Variants in SLIT2 observed in about 807,000 individuals in gnomAD.
The protein encoded by SLIT2 is slit homolog 2 protein.
Under a neutral mutation model 185.7 loss-of-function variants are expected in SLIT2, and 41 were observed. That is an observed-to-expected ratio of 0.22 (90% CI 0.17 to 0.29). The LOEUF (loss-of-function observed/expected upper bound fraction) is 0.29, where lower values mean the gene tolerates loss of function less well. Among genes scored for constraint, SLIT2 ranks in the 10% least tolerant of loss-of-function variants. The pLI is 1.00. For missense variants in SLIT2, 1,571 were observed against 1,909.0 expected (o/e 0.82, Z 3.30); for synonymous variants, 693 against 680.2 (o/e 1.02, Z -0.29).
intron 4 of SLIT2, among the ~76,000 whole-genome samples, chr4:20,401,385 C>G (rs1210522386): frequency 1.3e-5 from 2 of 151,842 alleles, no homozygotes; most frequent in Admixed American, 6.6e-5. Flanking sequence ...TGGCTTCTTC[C>G]TTTTTAACTA....
intron 30 of SLIT2, 55 bp downstream of exon 30, chr4:20,589,792 A>T: frequency 8.0e-7 from 1 of 1,243,722 alleles, no homozygotes; most frequent in Non-Finnish European, 1.2e-6. Flanking sequence ...CCATTATTTT[A>T]GGAGCCCTTC....
chr4:20,431,084 A>G (rs540275096), intron 4 of SLIT2, among the ~76,000 whole-genome samples: 2 of 152,344 alleles, frequency 1.3e-5, no homozygotes, highest in South Asian at 2.1e-4. Context: ...AGGAATCTAC[A>G]CTTTCCTCAT....
chr4:20,553,024 A>G (rs982923324), intron 25 of SLIT2, among the ~76,000 whole-genome samples: 2 of 152,200 alleles, frequency 1.3e-5, no homozygotes, highest in East Asian at 3.9e-4. Flanking sequence ...TATTACCTTG[A>G]TTACTTTCCT....
chr4:20,336,069 C>T (rs535683837), intron 4 of SLIT2, among the ~76,000 whole-genome samples: 2 of 152,178 alleles, frequency 1.3e-5, no homozygotes, highest in African/African-American at 4.8e-5. Context: ...TAGGGTGATA[C>T]AGTGTAACTT....
intron 4 of SLIT2, among the ~76,000 whole-genome samples, chr4:20,381,955 A>T (rs2109344190): frequency 6.6e-6 from 1 of 151,770 alleles, no homozygotes; most frequent in East Asian, 1.9e-4. Context: ...ACAAAACTGT[A>T]TTTATTTATA....
chr4:20,436,888 G>A (rs988440906), intron 4 of SLIT2, among the ~76,000 whole-genome samples: 10 of 152,274 alleles, frequency 6.6e-5, no homozygotes, highest in African/African-American at 2.2e-4. Flanking sequence ...TTAAATTGAT[G>A]AGTAACAGCC....
intron 4 of SLIT2, among the ~76,000 whole-genome samples, chr4:20,279,015 T>G (rs1291244119): frequency 1.3e-5 from 2 of 152,214 alleles, no homozygotes; most frequent in East Asian, 3.8e-4. Context: ...ATACATTCCT[T>G]TTTTGAAATC....
intron 4 of SLIT2, among the ~76,000 whole-genome samples, chr4:20,341,743 T>G (rs1329190195): frequency 6.6e-6 from 1 of 152,216 alleles, no homozygotes; most frequent in Non-Finnish European, 1.5e-5. Flanking sequence ...TTTTAGAGAA[T>G]TAATCACTAT....
chr4:20,444,175 T>G (rs1480847380), intron 4 of SLIT2, among the ~76,000 whole-genome samples: 1 of 152,104 alleles, frequency 6.6e-6, no homozygotes, highest in Non-Finnish European at 1.5e-5. Context: ...CAGACTTAAC[T>G]TTCCTAGACT....
At chr4:20,519,902 TG>T (rs1275691852) in intron 12 of SLIT2, among the ~76,000 whole-genome samples, 14 of 151,794 alleles carry the variant, frequency 9.2e-5, no homozygotes, top group Admixed American at 5.9e-4. Context: ...GTGGTGGTGG[TG>T]GGCCCCTGTA....
intron 4 of SLIT2, among the ~76,000 whole-genome samples, chr4:20,412,925 T>C (rs1212593601): frequency 2.0e-5 from 3 of 152,128 alleles, no homozygotes; most frequent in Non-Finnish European, 4.4e-5. Context: ...TCTTCTTCTT[T>C]TTCAAGTTTG....
intron 4 of SLIT2, among the ~76,000 whole-genome samples, chr4:20,370,970 C>T (rs987048955): frequency 6.6e-6 from 1 of 152,096 alleles, no homozygotes; most frequent in African/African-American, 2.4e-5. Context: ...TTAGAAATGT[C>T]TTGAATTGAT....
intron 4 of SLIT2, among the ~76,000 whole-genome samples, chr4:20,335,466 G>C (rs1273833933): frequency 1.3e-5 from 2 of 152,134 alleles, no homozygotes; most frequent in Non-Finnish European, 2.9e-5. Context: ...GTGTAAAAGA[G>C]GACCATAGTT....
chr4:20,254,931 C>G lies in SLIT2; in HGVS notation c.179+937C>G. Reference sequence around the variant, plus strand: ...CCCGCCTCCCTGTCTTTGCGAGTCTCTAATGAAGAAGTAAATGCAGACCCG... The same window carrying G: ...CCCGCCTCCCTGTCTTTGCGAGTCTGTAATGAAGAAGTAAATGCAGACCCG... On this transcript the variant is annotated intron_variant, in intron 1 of 36. Transcript: ENST00000504154. This position sits in a 1 kb window ranked among gnomAD's most constrained non-coding sequence, Gnocchi z 5.1. The G allele has an allele frequency of 6.6e-6, 3 of 456,322 alleles. No homozygotes were observed. The highest frequency in any genetic ancestry group is 1.3e-5 in the Non-Finnish European group (3 of 226,974). The allele number at this position is 456,322 out of a possible 1,614,324, so 28.3% of individuals were successfully genotyped here. A position where few individuals can be genotyped will look rare whatever the true frequency, so the allele number is the denominator to read the frequency against.
chr4:20,346,345 G>A (rs1446802508), intron 4 of SLIT2, among the ~76,000 whole-genome samples: 2 of 152,110 alleles, frequency 1.3e-5, no homozygotes, highest in African/African-American at 4.8e-5. Flanking sequence ...AAGCTGTCCT[G>A]TATAGATACC....
intron 33 of SLIT2, among the ~76,000 whole-genome samples, chr4:20,598,704 G>A (rs1371577874): frequency 1.3e-5 from 2 of 152,180 alleles, no homozygotes; most frequent in Non-Finnish European, 2.9e-5. Flanking sequence ...GGAGGGAGCA[G>A]TTATGGAAAC....
rs141154713 is a variant in SLIT2, at chr4:20,321,741, G to C, written c.395+52860G>C. On this transcript the variant is annotated intron_variant, in intron 4 of 36. Transcript: ENST00000504154. Reference sequence around the variant, plus strand: ...GTTAGACCTTACCGCCTCATGCCCAGATTTTTTCTATTAGTCACTTTCATT... The same window carrying C: ...GTTAGACCTTACCGCCTCATGCCCACATTTTTTCTATTAGTCACTTTCATT... 1.8e-4 allele frequency among the ~76,000 whole-genome samples: 28 copies of C among 152,262 alleles called. No homozygotes were observed. The East Asian group carries it at 5.2e-3, about 28-fold the overall frequency.
chr4:20,404,068 C>G (rs1042589084), intron 4 of SLIT2, among the ~76,000 whole-genome samples: 10 of 151,838 alleles, frequency 6.6e-5, no homozygotes, highest in Non-Finnish European at 1.0e-4. Flanking sequence ...AATTTTGAAG[C>G]CTTTACAATT....
chr4:20,431,629 G>A (rs1728986726), intron 4 of SLIT2, among the ~76,000 whole-genome samples: 2 of 152,200 alleles, frequency 1.3e-5, no homozygotes, highest in African/African-American at 2.4e-5. Flanking sequence ...AGTGGTCTTG[G>A]CATCTTCTAC....
Sources: gnomAD v4.1 joint callset for allele counts (sites outside exome capture counted in the v4.1 genomes callset) on GRCh38, gnomAD v4.1.1 for gene constraint, Gnocchi (gnomAD v3.1) non-coding constraint, MANE v1.5 for transcripts, NCBI Gene and HGNC (gene_info 2026-07-23, HGNC 2026-07-21) for gene names.